SMYD3: variants seen among roughly 807,000 people sequenced by gnomAD.
SMYD3 encodes the protein SET and MYND domain containing 3.
SMYD3 carries 36 observed loss-of-function variants against 57.7 expected under a neutral mutation model. The observed-to-expected ratio is 0.62, with a 90% CI of 0.48 to 0.82. The LOEUF (loss-of-function observed/expected upper bound fraction) is 0.82. SMYD3 is among the 40% of genes least tolerant of loss of function. The pLI, the probability that SMYD3 is intolerant of heterozygous loss-of-function variation, is 0.00. For missense variants in SMYD3, 515 were observed against 538.8 expected, an observed-to-expected ratio of 0.96 and a Z score of 0.44; for synonymous variants, 211 against 195.0, an observed-to-expected ratio of 1.08 and a Z score of -0.68.
At chr1:246,213,948 A>G (rs2063125963) in intron 5 of SMYD3, among the ~76,000 whole-genome samples, 2 of 152,178 alleles carry the variant, frequency 1.3e-5, no homozygotes, top group African/African-American at 4.8e-5. Flanking sequence ...AGCTCTGCAG[A>G]GCTAGCTTCC....
At chr1:245,978,310 G>C (rs999591712) in intron 5 of SMYD3, among the ~76,000 whole-genome samples, 4 of 152,186 alleles carry the variant, frequency 2.6e-5, no homozygotes, top group Non-Finnish European at 4.4e-5. Flanking sequence ...ATACCCAACA[G>C]TAGGCGCTCA....
intron 5 of SMYD3, chr1:246,186,680 T>TA (rs1373044749): frequency 8.9e-6 from 8 of 903,320 alleles, no homozygotes; most frequent in Non-Finnish European, 1.1e-5. Flanking sequence ...ACTTGACCTG[T>TA]GAGAGTCTGG....
chr1:245,808,649 A>C (rs1015484615), intron 10 of SMYD3, among the ~76,000 whole-genome samples: 1 of 152,154 alleles, frequency 6.6e-6, no homozygotes, highest in Non-Finnish European at 1.5e-5. Flanking sequence ...CCTGTTGTGC[A>C]GGTGTAGTTG....
At chr1:245,753,755 A>T in intron 11 of SMYD3, among the ~76,000 whole-genome samples, 1 of 152,182 alleles carries the variant, frequency 6.6e-6, no homozygotes, top group East Asian at 1.9e-4. Flanking sequence ...GTTACAATAA[A>T]TTTCTGACAA....
At chr1:246,412,858 C>CAAAAA (rs35012889) in intron 1 of SMYD3, among the ~76,000 whole-genome samples, 1 of 120,400 alleles carries the variant, frequency 8.3e-6, no homozygotes, top group Non-Finnish European at 1.7e-5. Context: ...GACTCCGTCT[C>CAAAAA]AAAAAAAAAA....
intron 5 of SMYD3, among the ~76,000 whole-genome samples, chr1:246,255,987 T>C (rs376776224): frequency 4.4e-4 from 61 of 138,652 alleles, no homozygotes; most frequent in African/African-American, 1.4e-3. Flanking sequence ...GATAGATAGA[T>C]ACACACACAC....
chr1:246,010,504 T>C (rs2059262903), intron 5 of SMYD3, among the ~76,000 whole-genome samples: 1 of 152,200 alleles, frequency 6.6e-6, no homozygotes, highest in African/African-American at 2.4e-5. Flanking sequence ...TTTTCTTCAT[T>C]TCCTACTACT....
At chr1:245,993,599 T>TAGATAGATAGATAGAC (rs2058855810) in intron 5 of SMYD3, among the ~76,000 whole-genome samples, 2 of 45,722 alleles carry the variant, frequency 4.4e-5, no homozygotes, top group South Asian at 7.6e-4. Context: ...GATAGATAGA[T>TAGATAGATAGATAGAC]AGATAGATAG....
At chr1:246,161,161 A>G (rs777378265) in intron 5 of SMYD3, among the ~76,000 whole-genome samples, 1 of 152,110 alleles carries the variant, frequency 6.6e-6, no homozygotes, top group Non-Finnish European at 1.5e-5. Flanking sequence ...ACAAATGAAC[A>G]TGCAGCCTGC....
At position 245,796,682 on chromosome 1, in the gene SMYD3, G is replaced by A. The variant is rs763258936; in HGVS notation, c.1077-32533C>T. ...AGGCCAGATCAATGAAATTTGATACGCACAAAACTCTTGCATATTCTCATG... is the reference window on the plus strand; with the variant it reads ...AGGCCAGATCAATGAAATTTGATACACACAAAACTCTTGCATATTCTCATG... On this transcript the variant is annotated intron_variant, in intron 10 of 11. Transcript: ENST00000490107. 6.6e-5 allele frequency among the ~76,000 whole-genome samples: 10 copies of A among 152,086 alleles called. No individual in the cohort carries two copies. In the South Asian group the frequency reaches 8.3e-4, roughly 13 times the overall value.
chr1:245,777,700 C>A (rs2046660576), intron 10 of SMYD3, among the ~76,000 whole-genome samples: 1 of 152,082 alleles, frequency 6.6e-6, no homozygotes, highest in Admixed American at 6.5e-5. Context: ...CTAGAGGTCC[C>A]CCTGTGTCTT....
chr1:246,209,481 AT>A (rs1455118175), intron 5 of SMYD3, among the ~76,000 whole-genome samples: 2 of 152,204 alleles, frequency 1.3e-5, no homozygotes, highest in African/African-American at 4.8e-5. Context: ...AGAAGACTGT[AT>A]AAGCAAAAAT....
chr1:246,495,211 T>C (rs957904444), intron 1 of SMYD3, among the ~76,000 whole-genome samples: 15 of 151,800 alleles, frequency 9.9e-5, no homozygotes, highest in Admixed American at 2.6e-4. Context: ...TAGCCAGGCG[T>C]GGTGGCGGGC....
chr1:246,246,548 G>A (rs959892131), intron 5 of SMYD3, among the ~76,000 whole-genome samples: 2 of 151,816 alleles, frequency 1.3e-5, no homozygotes, highest in African/African-American at 4.8e-5. Context: ...TCATATTCTG[G>A]GTTATGTATG....
At chr1:246,255,054 A>G (rs2063859424) in intron 5 of SMYD3, among the ~76,000 whole-genome samples, 1 of 152,184 alleles carries the variant, frequency 6.6e-6, no homozygotes, top group South Asian at 2.1e-4. Context: ...TTACAGGTAT[A>G]TAATCATATC....
chr1:246,406,538 C>T (rs2066868956), intron 1 of SMYD3, among the ~76,000 whole-genome samples: 2 of 152,148 alleles, frequency 1.3e-5, no homozygotes, highest in African/African-American at 4.8e-5. Context: ...TTGTCCTTGC[C>T]TTTTCGCTCT....
chr1:246,483,679 TAAAAG>T lies in SMYD3; in HGVS notation c.164+23370_164+23374del, dbSNP rs1388861899. The T allele has an allele frequency of 2.6e-5, 4 of 152,174 alleles. No individual in the cohort carries two copies. The East Asian group carries it at 7.7e-4, about 29-fold the overall frequency. 9.4% of individuals were successfully genotyped at this position (152,174 alleles called of 1,614,324 possible). A position where few individuals can be genotyped will look rare whatever the true frequency, so the allele number is the denominator to read the frequency against. ...ATTGTGGCTCTCACATAAGCTTTCT[TAAAAG>T]AGAAGAGCTATGAACAATTAAGATG... is the stretch of plus-strand genomic sequence containing the variant. On this transcript the variant is annotated intron_variant, in intron 1 of 11. Coordinates refer to ENST00000490107, the MANE Select transcript of SMYD3 (RefSeq NM_001167740.2).
chr1:246,022,832 T>C (rs2059496559), intron 5 of SMYD3, among the ~76,000 whole-genome samples: 1 of 152,202 alleles, frequency 6.6e-6, no homozygotes, highest in Non-Finnish European at 1.5e-5. Flanking sequence ...CTTCGCACTT[T>C]CCATGGTGCC....
chr1:246,181,843 TAG>T lies in SMYD3; in HGVS notation c.531+145356_531+145357del, dbSNP rs552948951. Among the ~76,000 whole-genome samples, 283 of 152,312 alleles carry T rather than the reference TAG, an allele frequency of 1.9e-3. 3 individuals are homozygous for T. The highest frequency in any genetic ancestry group is 6.5e-3 in the African/African-American group (270 of 41,554). Reference sequence around the variant, plus strand: ...CACAACTTAAAGCAGAGAAGCCAGGTAGAGAGATTTGAAAAATGAATTCTAAC... The same window carrying T: ...CACAACTTAAAGCAGAGAAGCCAGGTAGAGATTTGAAAAATGAATTCTAAC... On this transcript the variant is annotated intron_variant, in intron 5 of 11. Coordinates refer to ENST00000490107, the MANE Select transcript of SMYD3 (RefSeq NM_001167740.2).
Sources: allele counts gnomAD v4.1 joint callset (sites outside exome capture counted in the v4.1 genomes callset), GRCh38; gene constraint gnomAD v4.1.1; transcripts MANE v1.5; gene names NCBI Gene and HGNC (gene_info 2026-07-23, HGNC 2026-07-21).